Variants in PTPN23 observed in about 807,000 individuals in gnomAD.
PTPN23 encodes the protein protein tyrosine phosphatase non-receptor type 23.
PTPN23 carries 72 observed loss-of-function variants against 156.3 expected under a neutral mutation model. That is an observed-to-expected ratio of 0.46 (90% CI 0.38 to 0.56). The LOEUF (loss-of-function observed/expected upper bound fraction) is 0.56, where lower values mean the gene tolerates loss of function less well. PTPN23 is among the 20% of genes least tolerant of loss of function. The pLI is 0.00. For synonymous variants in PTPN23, 957 were observed against 899.6 expected (o/e 1.06, Z -1.14); for missense variants, 1,974 against 2,171.5 (o/e 0.91, Z 1.81).
In PTPN23 at chr3:47,407,934, A is replaced by C; in HGVS notation, c.1163A>C (p.Glu388Ala). Residue 388 changes from glutamate (E) to alanine (A), a missense_variant, in exon 14 of 25, where the codon GAG becomes GCG. Transcript: ENST00000265562. The surrounding 1 kb of genome is among the most constrained non-coding windows in gnomAD (Gnocchi z 4.0). Reference sequence around the variant, plus strand: ...CTCCGGGAGATGATGGCCAAGATTGAGGACAAGAATGAGGTCCTGGAGTGA... The same window carrying C: ...CTCCGGGAGATGATGGCCAAGATTGCGGACAAGAATGAGGTCCTGGAGTGA... ...KLLREMMAKI[E>A]DKNEVLDQFM... 4 of 1,614,018 alleles carry C rather than the reference A, an allele frequency of 2.5e-6. No individual in the cohort carries two copies. The highest frequency in any genetic ancestry group is 3.4e-6 in the Non-Finnish European group (4 of 1,179,978).
At chr3:47,401,329 C>T (rs72911269) in intron 2 of PTPN23, among the ~76,000 whole-genome samples, 10,524 of 152,132 alleles carry the variant, frequency 0.069, 1,215 homozygotes, top group African/African-American at 0.24. Context: ...AGCCTGTAGT[C>T]CTGAGTAGCT....
chr3:47,410,121 C>A lies in PTPN23; in HGVS notation c.2323C>A (p.Pro775Thr), dbSNP rs1395332363. The A allele has an allele frequency of 6.3e-6, 10 of 1,598,810 alleles. No individual in the cohort carries two copies. Among genetic ancestry groups the A allele is most frequent in the Non-Finnish European group, 6.8e-6 (8 of 1,172,112 alleles). ...SATPLHFPPS[P>T]FPSSTGPGPH... ...CACCCCGCTCCACTTTCCTCCCAGCCCCTTCCCCAGCTCCACAGGCCCAGG... is the reference window on the plus strand; with the variant it reads ...CACCCCGCTCCACTTTCCTCCCAGCACCTTCCCCAGCTCCACAGGCCCAGG... Residue 775 changes from proline (P) to threonine (T), a missense_variant, in exon 20 of 25, where the codon CCC becomes ACC. By Grantham distance (38) the Pro-to-Thr change is conservative (BLOSUM62 -1). Transcript: ENST00000265562.
In PTPN23 at chr3:47,406,686, CTCT is replaced by C. The variant is rs560267845; in HGVS notation, c.760-9_760-7del. On this transcript the variant is annotated splice_polypyrimidine_tract_variant and intron_variant, in intron 8 of 24. Transcript: ENST00000265562. This position sits in a 1 kb window ranked among gnomAD's most constrained non-coding sequence, Gnocchi z 5.8. Reference sequence around the variant, plus strand: ...CAGCTCAGGAAGCAAGTCGTGGCGTCTCTTCTTCTTTCCCAGCTGCACATGGGA... The same window carrying C: ...CAGCTCAGGAAGCAAGTCGTGGCGTCTCTTCTTTCCCAGCTGCACATGGGA... 186 of 1,614,006 alleles carry C rather than the reference CTCT, an allele frequency of 1.2e-4. No homozygotes were observed. The Middle Eastern group carries it at 2.1e-3, about 19-fold the overall frequency.
rs151235747 is a variant in PTPN23, at chr3:47,397,108, C to T, written c.159+891C>T. The stretch of plus-strand genomic sequence containing the variant: ...CAGCCAGTGAAGCAGTGAGAACACA[C>T]GGAACATTTATAAGTCTGCCGTCTT... On this transcript the variant is annotated intron_variant, in intron 2 of 24. Coordinates refer to ENST00000265562, the MANE Select transcript of PTPN23 (RefSeq NM_015466.4). Among the ~76,000 whole-genome samples, 200 of 152,236 alleles carry T rather than the reference C, an allele frequency of 1.3e-3. 1 individual carries two copies. Among genetic ancestry groups the T allele is most frequent in the African/African-American group, 4.6e-3 (193 of 41,532 alleles).
chr3:47,396,069 G>C, intron 1 of PTPN23, 74 bp from the exon 2 acceptor site: 1 of 1,164,914 alleles, frequency 8.6e-7, no homozygotes, highest in Non-Finnish European at 1.3e-6. Flanking sequence ...AGTCCTGGTT[G>C]GTGCTTGCCC....
At chr3:47,398,564 G>A (rs1704926766) in intron 2 of PTPN23, among the ~76,000 whole-genome samples, 1 of 143,108 alleles carries the variant, frequency 7.0e-6, no homozygotes, top group Admixed American at 7.0e-5. Context: ...TAAACTTAAA[G>A]TTTTTTTTTT....
chr3:47,403,635 C>G (rs1468705301), intron 2 of PTPN23, among the ~76,000 whole-genome samples: 1 of 152,172 alleles, frequency 6.6e-6, no homozygotes, highest in Admixed American at 6.5e-5. Flanking sequence ...CTCAATCGAT[C>G]TTTTCCCGTC....
Position 47,408,883 on chromosome 3 carries a change from G to A in PTPN23, c.1438G>A (p.Ala480Thr), listed in dbSNP as rs546208340. 1.1e-5 allele frequency: 17 copies of A among 1,614,236 alleles called. No homozygotes were observed. In the South Asian group the frequency reaches 1.6e-4, roughly 16 times the overall value. The change falls in exon 16 of 25, where the codon GCA (alanine) becomes ACA (threonine). Residue 480 changes from alanine to threonine, a missense_variant. Ala to Thr is a moderately conservative substitution (Grantham distance 58, BLOSUM62 0). Coordinates refer to ENST00000265562, the MANE Select transcript of PTPN23 (RefSeq NM_015466.4). ...EQKFQEAVGQ[A>T]GAISITSKAE... ...GAAGTTTCAGGAGGCGGTGGGCCAG[G>A]CAGGGGCCATCTCCATCACCTCCAA...
chr3:47,389,083 A>C (rs186599203), intron 1 of PTPN23, among the ~76,000 whole-genome samples: 1 of 151,956 alleles, frequency 6.6e-6, no homozygotes, highest in Non-Finnish European at 1.5e-5. Context: ...TCATCATTCT[A>C]CTGTCGGTTT....
rs779387249 is a variant in PTPN23 at position 47,407,622 on chromosome 3, G to C, written c.1003+38G>C. ...AGAGGTGGGGGCAGAGGTGACGGTG[G>C]GGTGGGGACAGGACACAGGAGGCTG... On this transcript the variant is annotated intron_variant, in intron 12 of 24. Coordinates refer to ENST00000265562, the MANE Select transcript of PTPN23 (RefSeq NM_015466.4). The surrounding 1 kb of genome is among the most constrained non-coding windows in gnomAD (Gnocchi z 4.0). 1.9e-6 allele frequency: 3 copies of C among 1,606,456 alleles called. No individual in the cohort carries two copies. The highest frequency in any genetic ancestry group is 2.2e-5 in the South Asian group (2 of 90,918).
In PTPN23 at chr3:47,407,232, C is replaced by T. The variant is rs577629386; in HGVS notation, c.864+46C>T. Reference sequence around the variant, plus strand: ...GCTGCCCTGAGGGTATAGGAGCAAGCCCGGTAGGACTGAGGGGGTGTCCTG... The same window carrying T: ...GCTGCCCTGAGGGTATAGGAGCAAGTCCGGTAGGACTGAGGGGGTGTCCTG... On this transcript the variant is annotated intron_variant, in intron 10 of 24. Transcript: ENST00000265562. The surrounding 1 kb of genome is among the most constrained non-coding windows in gnomAD (Gnocchi z 4.0). 12 of 1,613,622 alleles carry T rather than the reference C, an allele frequency of 7.4e-6. No homozygotes were observed. In the South Asian group the frequency reaches 1.3e-4, roughly 18 times the overall value.
chr3:47,410,218 C>T lies in PTPN23; in HGVS notation c.2420C>T (p.Ala807Val), dbSNP rs551150055. The T allele has an allele frequency of 9.3e-6, 15 of 1,611,028 alleles. No individual in the cohort carries two copies. The East Asian group carries it at 2.2e-4, about 24-fold the overall frequency. Reference sequence around the variant, plus strand: ...CCCACCCAGCTGATACAGCCCAGGGCCCCAGGGCCCCATGCAATGCCCGTA... The same window carrying T: ...CCCACCCAGCTGATACAGCCCAGGGTCCCAGGGCCCCATGCAATGCCCGTA... ...SGPTQLIQPR[A>V]PGPHAMPVAP... is the part of the protein sequence containing the mutation. Residue 807 changes from alanine to valine, a missense_variant, in exon 20 of 25, where the codon GCC (alanine) becomes GTC (valine). Coordinates refer to ENST00000265562, the MANE Select transcript of PTPN23 (RefSeq NM_015466.4).
intron 1 of PTPN23, among the ~76,000 whole-genome samples, chr3:47,390,072 C>CAA (rs891612283): frequency 4.9e-4 from 24 of 49,130 alleles, no homozygotes; most frequent in African/African-American, 7.4e-4. Context: ...GACTCCGTCT[C>CAA]AAAAAAAAAA....
At chr3:47,382,680 C>CCTTTTTTTTTTTT (rs1704569831) in intron 1 of PTPN23, among the ~76,000 whole-genome samples, 1 of 58,646 alleles carries the variant, frequency 1.7e-5, no homozygotes. Context: ...TTTTTCTTTT[C>CCTTTTTTTTTTTT]TTTTTTTTTT....
chr3:47,409,730 C>G lies in PTPN23; in HGVS notation c.2025C>G (p.Gly675=). The change falls in exon 19 of 25, where the codon GGC becomes GGG. Residue 675 remains glycine (G), a synonymous_variant. Coordinates refer to ENST00000265562, the MANE Select transcript of PTPN23 (RefSeq NM_015466.4). ...YEDLMKKSQE[G]RDFYADLESK... ...ACCTGATGAAGAAGTCGCAGGAGGG[C>G]AGGGACTTCTACGCAGATCTGGAGA... The G allele has an allele frequency of 1.9e-6, 3 of 1,607,416 alleles. No homozygotes were observed. Among genetic ancestry groups the G allele is most frequent in the East Asian group, 2.2e-5 (1 of 44,866 alleles).
chr3:47,397,367 A>G (rs990929979), intron 2 of PTPN23, among the ~76,000 whole-genome samples: 9 of 152,370 alleles, frequency 5.9e-5, no homozygotes, highest in African/African-American at 1.7e-4. Flanking sequence ...AGCACCTGTG[A>G]AGTGCAATAA....
intron 1 of PTPN23, among the ~76,000 whole-genome samples, chr3:47,383,905 C>G (rs569705101): frequency 1.3e-3 from 199 of 152,312 alleles, no homozygotes; most frequent in African/African-American, 4.6e-3. Flanking sequence ...CACCCCCTTC[C>G]CCAACTGCAG....
At position 47,412,960 on chromosome 3, in the gene PTPN23, G is replaced by A. The variant is rs371856828; in HGVS notation, c.4686G>A (p.Pro1562=). ...LPEAPQPKEE[P]PVPEAPSSGP... is the part of the protein sequence containing the mutation. Reference sequence around the variant, plus strand: ...AGGCTCCCCAGCCTAAGGAGGAGCCGCCAGTGCCTGAAGCCCCCAGCTCGG... The same window carrying A: ...AGGCTCCCCAGCCTAAGGAGGAGCCACCAGTGCCTGAAGCCCCCAGCTCGG... The change falls in exon 25 of 25, where the codon CCG becomes CCA. Residue 1562 remains proline (P), a synonymous_variant. Coordinates refer to ENST00000265562, the MANE Select transcript of PTPN23 (RefSeq NM_015466.4). The A allele has an allele frequency of 4.2e-5, 65 of 1,531,140 alleles. No individual in the cohort carries two copies. Among genetic ancestry groups the A allele is most frequent in the East Asian group, 1.9e-4 (8 of 41,828 alleles). 94.8% of individuals were successfully genotyped at this position (1,531,140 alleles called of 1,614,324 possible).
At position 47,404,735 on chromosome 3, in the gene PTPN23, G is replaced by C; in HGVS notation, c.243G>C (p.Arg81=). ...YLGQLHYLQS[R]VPMGSGQEAA... The stretch of plus-strand genomic sequence containing the variant: ...GCCAGCTTCATTACCTGCAGAGTCG[G>C]GTCCCCATGGGCTCGGGCCAGGAGG... The change falls in exon 3 of 25, where the codon CGG becomes CGC. Residue 81 remains arginine (R), a synonymous_variant. Coordinates refer to ENST00000265562, the MANE Select transcript of PTPN23 (RefSeq NM_015466.4). 6.2e-7 allele frequency: 1 copy of C among 1,613,924 alleles called. No individual in the cohort carries two copies. The highest frequency in any genetic ancestry group is 8.5e-7 in the Non-Finnish European group (1 of 1,180,038).
Sources: allele counts gnomAD v4.1 joint callset (sites outside exome capture counted in the v4.1 genomes callset), GRCh38; gene constraint gnomAD v4.1.1; non-coding constraint Gnocchi (gnomAD v3.1); transcripts MANE v1.5; gene names NCBI Gene and HGNC (gene_info 2026-07-23, HGNC 2026-07-21).